Variants in TLR10 observed in about 807,000 individuals in gnomAD.
TLR10 encodes toll like receptor 10, also known as toll-like receptor 10.
For synonymous variants in TLR10, 288 were observed against 338.8 expected, an observed-to-expected ratio of 0.85 and a Z score of 1.65; for missense variants, 929 against 932.9, an observed-to-expected ratio of 1.00 and a Z score of 0.05.
At chr4:38,778,980 A>C (rs1725232393) in intron 1 of TLR10, 1 of 152,054 alleles carries the variant, frequency 6.6e-6, no homozygotes, top group African/African-American at 2.4e-5. Flanking sequence ...CCTCTCTCTC[A>C]TCTGTATTTC....
rs745925934 is a variant in TLR10, at chr4:38,775,354, T to C, written c.237A>G (p.Leu79=). 1.2e-6 allele frequency: 2 copies of C among 1,614,070 alleles called. No homozygotes were observed. Among genetic ancestry groups the C allele is most frequent in the Admixed American group, 1.7e-5 (1 of 59,964 alleles). ...CCAGCTGTTGAATTCTGTTATGGCATAGAATCAAAACTCTCAGTTTGGAGA... is the reference window on the plus strand; with the variant it reads ...CCAGCTGTTGAATTCTGTTATGGCACAGAATCAAAACTCTCAGTTTGGAGA... ...HSVSKLRVLI[L]CHNRIQQLDL... is the part of the protein sequence containing the mutation. Residue 79 remains leucine (L), a synonymous_variant, in exon 4 of 4, where the codon CTA becomes CTG. Coordinates refer to ENST00000308973, the MANE Select transcript of TLR10 (RefSeq NM_030956.4).
chr4:38,774,285 A>T lies in TLR10; in HGVS notation c.1306T>A (p.Ser436Thr), dbSNP rs143193322. Residue 436 changes from serine (S) to threonine (T), a missense_variant, in exon 4 of 4, where the codon TCT (serine) becomes ACT (threonine). Physicochemically the swap from Ser to Thr is moderately conservative, Grantham distance 58 (BLOSUM62 1). Coordinates refer to ENST00000308973, the MANE Select transcript of TLR10 (RefSeq NM_030956.4). ...MNLSYNKLSD[S>T]VFRCLPKSIQ... ...CTTTTGGGCAAGCACCTGAAGACAG[A>T]ATCAGACAATTTATTGTATGACAGA... The T allele has an allele frequency of 2.8e-5, 45 of 1,613,334 alleles. No individual in the cohort carries two copies. Among genetic ancestry groups the T allele is most frequent in the Admixed American group, 2.5e-4 (15 of 59,862 alleles).
intron 1 of TLR10, among the ~76,000 whole-genome samples, chr4:38,779,324 A>G (rs1725254458): frequency 6.6e-6 from 1 of 152,330 alleles, no homozygotes; most frequent in South Asian, 2.1e-4. Flanking sequence ...TGGTAAGGTC[A>G]CCACATTTAG....
rs1724696595 is a variant in TLR10, at chr4:38,772,603, A to G, written c.*552T>C. The G allele has an allele frequency of 6.7e-6, 1 of 149,002 alleles. No individual in the cohort carries two copies. Among genetic ancestry groups the G allele is most frequent in the Admixed American group, 6.8e-5 (1 of 14,800 alleles). The allele number at this position is 149,002 out of a possible 1,614,324, so 9.2% of individuals were successfully genotyped here. ...TAGACCTTATTTTGTGGCCATGAGGATGTTTTCCATTTTTTTCTTTTTTTT... is the reference window on the plus strand; with the variant it reads ...TAGACCTTATTTTGTGGCCATGAGGGTGTTTTCCATTTTTTTCTTTTTTTT... On this transcript the variant is annotated 3_prime_UTR_variant, in exon 4 of 4. Coordinates refer to ENST00000308973, the MANE Select transcript of TLR10 (RefSeq NM_030956.4).
At chr4:38,778,559 G>C (rs989142658) in intron 1 of TLR10, among the ~76,000 whole-genome samples, 2 of 152,194 alleles carry the variant, frequency 1.3e-5, no homozygotes, top group South Asian at 4.1e-4. Flanking sequence ...ACTTGTGCCA[G>C]AGAGAATGTA....
chr4:38,777,229 T>G (rs1479338452), intron 1 of TLR10, among the ~76,000 whole-genome samples: 1 of 152,180 alleles, frequency 6.6e-6, no homozygotes, highest in Non-Finnish European at 1.5e-5. Context: ...CTGATAGTGA[T>G]CTTCATGCAG....
intron 1 of TLR10, among the ~76,000 whole-genome samples, chr4:38,781,944 C>G (rs984068077): frequency 6.6e-6 from 1 of 152,132 alleles, no homozygotes; most frequent in Admixed American, 6.6e-5. Context: ...GATGGAGGAG[C>G]TAAAGCCCAG....
At chr4:38,780,277 G>C (rs1251310168) in intron 1 of TLR10, among the ~76,000 whole-genome samples, 2 of 152,180 alleles carry the variant, frequency 1.3e-5, no homozygotes, top group East Asian at 3.9e-4. Context: ...GGTGGCATGT[G>C]CCTGTAGTCC....
chr4:38,777,864 G>A (rs1725152685), intron 1 of TLR10, among the ~76,000 whole-genome samples: 1 of 152,154 alleles, frequency 6.6e-6, no homozygotes, highest in Non-Finnish European at 1.5e-5. Flanking sequence ...GTGTAAATTA[G>A]CTCAACAATT....
chr4:38,774,761 C>T lies in TLR10; in HGVS notation c.830G>A (p.Arg277Gln), dbSNP rs372475414. 72 of 1,601,958 alleles carry T rather than the reference C, an allele frequency of 4.5e-5. No homozygotes were observed. Among genetic ancestry groups the T allele is most frequent in the South Asian group, 3.2e-4 (28 of 88,296 alleles). Reference sequence around the variant, plus strand: ...AGCCTTACCACCAAAAGTCACATTTCGGATCTGAAAGTGTTCCACTGATGT... The same window carrying T: ...AGCCTTACCACCAAAAGTCACATTTTGGATCTGAAAGTGTTCCACTGATGT... Reference protein sequence around the residue: ...WHTSVEHFQIRNVTFGGKAYL... With the variant: ...WHTSVEHFQIQNVTFGGKAYL... The change falls in exon 4 of 4, where the codon CGA (arginine) becomes CAA (glutamine). Residue 277 changes from arginine to glutamine, a missense_variant. Transcript: ENST00000308973.
chr4:38,775,773 A>G lies in TLR10; in HGVS notation c.-63+2T>C, dbSNP rs1455971103. The G allele has an allele frequency of 5.4e-6, 3 of 558,104 alleles. No individual in the cohort carries two copies. The African/African-American group carries it at 5.7e-5, about 11-fold the overall frequency. 34.6% of individuals were successfully genotyped at this position (558,104 alleles called of 1,614,324 possible). On this transcript the variant is annotated splice_donor_variant, in intron 3 of 3. Coordinates refer to ENST00000308973, the MANE Select transcript of TLR10 (RefSeq NM_030956.4). LOFTEE classifies it low-confidence loss of function (5UTR_SPLICE). ...ATCAAGAGGTTGGAGTAAGGTTCCA[A>G]CCTGTATATTGGGTCTTCGACTTGA...
chr4:38,782,280 G>A (rs1271706231), intron 1 of TLR10, among the ~76,000 whole-genome samples: 1 of 152,182 alleles, frequency 6.6e-6, no homozygotes, highest in Non-Finnish European at 1.5e-5. Context: ...TCTTAGGAAA[G>A]TTATAAGTTC....
Position 38,775,260 on chromosome 4 carries a change from C to T in TLR10, c.331G>A (p.Val111Ile), listed in dbSNP as rs142647538. ...LDLSNNRLKS[V>I]TWYLLAGLRY... Reference sequence around the variant, plus strand: ...AGACCTGCCAGTAAATACCAAGTTACACTCTTCAGTCTGTTATTAGACAAA... The same window carrying T: ...AGACCTGCCAGTAAATACCAAGTTATACTCTTCAGTCTGTTATTAGACAAA... The change falls in exon 4 of 4, where the codon GTA (valine) becomes ATA (isoleucine). Residue 111 changes from valine to isoleucine, a missense_variant. Val to Ile is a conservative substitution (Grantham distance 29, BLOSUM62 3). Transcript: ENST00000308973. The T allele has an allele frequency of 2.0e-5, 33 of 1,613,792 alleles. No individual in the cohort carries two copies. The highest frequency in any genetic ancestry group is 2.7e-5 in the African/African-American group (2 of 74,900).
chr4:38,775,174 G>A lies in TLR10; in HGVS notation c.417C>T (p.Gly139=). Reference sequence around the variant, plus strand: ...CTAGGATTTCCAGGTGTGACATGTTGCCAGCTTCCTCACAGATAGGCATGG... The same window carrying A: ...CTAGGATTTCCAGGTGTGACATGTTACCAGCTTCCTCACAGATAGGCATGG... ...FDTMPICEEA[G]NMSHLEILGL... is the part of the protein sequence containing the mutation. The change falls in exon 4 of 4, where the codon GGC becomes GGT. Residue 139 remains glycine, a synonymous_variant. Coordinates refer to ENST00000308973, the MANE Select transcript of TLR10 (RefSeq NM_030956.4). 6.2e-7 allele frequency: 1 copy of A among 1,613,688 alleles called. No individual in the cohort carries two copies. The highest frequency in any genetic ancestry group is 8.5e-7 in the Non-Finnish European group (1 of 1,179,928).
chr4:38,778,315 G>A (rs1431158376), intron 1 of TLR10, among the ~76,000 whole-genome samples: 4 of 152,124 alleles, frequency 2.6e-5, no homozygotes, highest in Non-Finnish European at 4.4e-5. Flanking sequence ...ATAGCATTAG[G>A]AGAAATACCT....
chr4:38,778,457 C>T (rs201722983), intron 1 of TLR10, among the ~76,000 whole-genome samples: 10 of 97,654 alleles, frequency 1.0e-4, no homozygotes, highest in African/African-American at 4.6e-4. Context: ...AATAAACAAA[C>T]AAACAAATAA....
intron 1 of TLR10, among the ~76,000 whole-genome samples, chr4:38,777,888 T>C (rs1163705369): frequency 6.6e-6 from 1 of 152,204 alleles, no homozygotes; most frequent in African/African-American, 2.4e-5. Flanking sequence ...GAAGACAATG[T>C]GGCGATTCCT....
rs1303678833 is a variant in TLR10, at chr4:38,775,639, A to T, written c.-49T>A. On this transcript the variant is annotated 5_prime_UTR_variant, in exon 4 of 4. Coordinates refer to ENST00000308973, the MANE Select transcript of TLR10 (RefSeq NM_030956.4). ...TTATTTCCTCATATGAATGATGAAGATGAGCTCAAAACCCTAAAAAAAAGT... is the reference window on the plus strand; with the variant it reads ...TTATTTCCTCATATGAATGATGAAGTTGAGCTCAAAACCCTAAAAAAAAGT... The T allele has an allele frequency of 1.3e-6, 2 of 1,493,496 alleles. No individual in the cohort carries two copies. Among genetic ancestry groups the T allele is most frequent in the African/African-American group, 2.8e-5 (2 of 70,912 alleles). The allele number at this position is 1,493,496 out of a possible 1,614,324, so 92.5% of individuals were successfully genotyped here.
intron 2 of TLR10, 47 bp from the exon 3 acceptor site, chr4:38,776,010 A>G (rs1037921741): frequency 6.5e-6 from 1 of 154,638 alleles, no homozygotes; most frequent in Non-Finnish European, 1.4e-5. Flanking sequence ...ATTACCAGAC[A>G]TTGTGAGCCT....
Sources: allele counts gnomAD v4.1 joint callset (sites outside exome capture counted in the v4.1 genomes callset), GRCh38; gene constraint gnomAD v4.1.1; transcripts MANE v1.5; gene names NCBI Gene and HGNC (gene_info 2026-07-23, HGNC 2026-07-21).